TP63: variants seen among roughly 807,000 people sequenced by gnomAD.
The protein encoded by TP63 is tumor protein p63.
A neutral mutation model predicts 82.8 loss-of-function variants in TP63; 17 were observed. The ratio of observed to expected loss-of-function variants is 0.21; its 90% CI spans 0.14 to 0.31. The LOEUF (loss-of-function observed/expected upper bound fraction) is 0.31, where lower values mean the gene tolerates loss of function less well. Among genes scored for constraint, TP63 ranks in the 10% least tolerant of loss-of-function variants. The probability of loss-of-function intolerance (pLI) is 1.00; values close to 1 mark genes in which losing one functional copy is unlikely to be tolerated. For missense variants in TP63, 648 were observed against 895.3 expected (o/e 0.72, Z 3.52); for synonymous variants, 330 against 321.7 (o/e 1.03, Z -0.28).
the TP63 span, among the ~76,000 whole-genome samples, chr3:189,605,199 A>G: frequency 1.3e-5 from 2 of 152,238 alleles, no homozygotes; most frequent in Non-Finnish European, 2.9e-5. Flanking sequence ...TCTACTGAAA[A>G]TATTAGTCAA....
intron 1 of TP63, among the ~76,000 whole-genome samples, chr3:189,695,319 A>G (rs995535760): frequency 2.0e-5 from 3 of 151,826 alleles, no homozygotes; most frequent in African/African-American, 7.3e-5. Flanking sequence ...TGTCCCTTTG[A>G]TATACTCATA....
intron 3 of TP63, among the ~76,000 whole-genome samples, chr3:189,765,933 G>A (rs1722931026): frequency 6.6e-6 from 1 of 152,210 alleles, no homozygotes. Flanking sequence ...CTTATAGTCT[G>A]TAATGGATAA....
chr3:189,670,540 C>A (rs1205056559), intron 1 of TP63, among the ~76,000 whole-genome samples: 1 of 151,860 alleles, frequency 6.6e-6, no homozygotes, highest in Non-Finnish European at 1.5e-5. Context: ...AAATAAGAAT[C>A]TTCTAAATGA....
At chr3:189,827,230 A>C (rs948321236) in intron 4 of TP63, among the ~76,000 whole-genome samples, 3 of 152,218 alleles carry the variant, frequency 2.0e-5, no homozygotes, top group African/African-American at 7.2e-5. Flanking sequence ...GACAGGTGCT[A>C]TAATCTGTCT....
At chr3:189,677,471 T>C (rs911093010) in intron 1 of TP63, among the ~76,000 whole-genome samples, 1 of 149,994 alleles carries the variant, frequency 6.7e-6, no homozygotes, top group African/African-American at 2.4e-5. Flanking sequence ...CATATATATA[T>C]GGCATTTTCT....
intron 1 of TP63, among the ~76,000 whole-genome samples, chr3:189,676,374 A>AT: frequency 6.6e-6 from 1 of 152,058 alleles, no homozygotes; most frequent in Non-Finnish European, 1.5e-5. Context: ...ATTATTTGAC[A>AT]TTTTTTAGAT....
rs569015889 is a variant in TP63 at position 189,741,010 on chromosome 3, G to A, written c.324+2236G>A. Reference sequence around the variant, plus strand: ...GCTGTACTTGCCATGTCCAGTGCTTGAAGGTACATAGTAGGTCCCCATAGT... The same window carrying A: ...GCTGTACTTGCCATGTCCAGTGCTTAAAGGTACATAGTAGGTCCCCATAGT... On this transcript the variant is annotated intron_variant, in intron 3 of 13. Coordinates refer to ENST00000264731, the MANE Select transcript of TP63 (RefSeq NM_003722.5). Among the ~76,000 whole-genome samples the A allele has an allele frequency of 1.1e-3, 162 of 152,282 alleles. 3 individuals are homozygous for A. The Middle Eastern group carries it at 0.02, about 19-fold the overall frequency.
intron 3 of TP63, among the ~76,000 whole-genome samples, chr3:189,751,794 T>G (rs1414293175): frequency 6.6e-6 from 1 of 152,226 alleles, no homozygotes; most frequent in Admixed American, 6.5e-5. Flanking sequence ...GATGATAGTT[T>G]CTTTTGCTGT....
Position 189,823,511 on chromosome 3 carries a change from A to G in TP63, c.579+14985A>G, listed in dbSNP as rs1486916622. On this transcript the variant is annotated intron_variant, in intron 4 of 13. Coordinates refer to ENST00000264731, the MANE Select transcript of TP63 (RefSeq NM_003722.5). ...CAGTCGGTGATGTGGCTCACTCACC[A>G]GGGGAAGGACAGAGGTGAGATAGGG... 2.0e-5 allele frequency among the ~76,000 whole-genome samples: 3 copies of G among 152,154 alleles called. No individual in the cohort carries two copies. In the East Asian group the frequency reaches 5.8e-4, roughly 29 times the overall value.
At chr3:189,795,409 A>C (rs1297243019) in intron 3 of TP63, among the ~76,000 whole-genome samples, 23 of 152,038 alleles carry the variant, frequency 1.5e-4, no homozygotes, top group Admixed American at 1.4e-3. Context: ...AGTATAAAAC[A>C]GAATTGGTAA....
chr3:189,809,901 C>T (rs1727343470), intron 4 of TP63, among the ~76,000 whole-genome samples: 1 of 152,222 alleles, frequency 6.6e-6, no homozygotes, highest in Non-Finnish European at 1.5e-5. Context: ...CATGCCTAAA[C>T]TTACAGAAAC....
intron 4 of TP63, among the ~76,000 whole-genome samples, chr3:189,836,613 A>G (rs1713190446): frequency 6.6e-6 from 1 of 152,140 alleles, no homozygotes; most frequent in East Asian, 1.9e-4. Flanking sequence ...CCTAATTTTA[A>G]TATCCCTGTT....
At chr3:189,744,801 C>T (rs1174944015) in intron 3 of TP63, among the ~76,000 whole-genome samples, 1 of 152,206 alleles carries the variant, frequency 6.6e-6, no homozygotes, top group Non-Finnish European at 1.5e-5. Context: ...CCACCTGGGA[C>T]TTCCAAAATT....
upstream of TP63, among the ~76,000 whole-genome samples, chr3:189,628,503 C>A (rs147861606): frequency 5.5e-3 from 836 of 152,162 alleles, 5 homozygotes; most frequent in Non-Finnish European, 7.6e-3. Context: ...GCTCAGTGGT[C>A]CAAGTCCAAA....
intron 1 of TP63, among the ~76,000 whole-genome samples, chr3:189,701,813 G>T (rs750605007): frequency 2.0e-5 from 3 of 151,982 alleles, no homozygotes; most frequent in Non-Finnish European, 4.4e-5. Flanking sequence ...TGAAGCAGAG[G>T]TGATAATACC....
intron 1 of TP63, among the ~76,000 whole-genome samples, chr3:189,655,005 A>G (rs962441283): frequency 2.6e-4 from 40 of 152,122 alleles, no homozygotes; most frequent in Non-Finnish European, 5.6e-4. Flanking sequence ...TGCAGTGACT[A>G]CTGCAGTGCT....
At chr3:189,760,523 A>C (rs545649152) in intron 3 of TP63, among the ~76,000 whole-genome samples, 1 of 152,334 alleles carries the variant, frequency 6.6e-6, no homozygotes, top group East Asian at 1.9e-4. Flanking sequence ...TGATGCAAAA[A>C]GTGGGTTCAC....
At chr3:189,844,436 A>G in intron 4 of TP63, 1 of 302,910 alleles carries the variant, frequency 3.3e-6, no homozygotes, top group Non-Finnish European at 6.7e-6. Context: ...CAGACATGTG[A>G]CACCACACCC....
intron 4 of TP63, among the ~76,000 whole-genome samples, chr3:189,812,477 G>A (rs1727676624): frequency 6.6e-6 from 1 of 152,114 alleles, no homozygotes; most frequent in African/African-American, 2.4e-5. Context: ...ATGTAGTGCT[G>A]GTCTAGCATT....
Sources: gnomAD v4.1 joint callset for allele counts (sites outside exome capture counted in the v4.1 genomes callset) on GRCh38, gnomAD v4.1.1 for gene constraint, MANE v1.5 for transcripts, NCBI Gene and HGNC (gene_info 2026-07-23, HGNC 2026-07-21) for gene names.